ADGRB3: variants seen among roughly 807,000 people sequenced by gnomAD.
ADGRB3 encodes brain-specific angiogenesis inhibitor 3.
A neutral mutation model predicts 193.4 loss-of-function variants in ADGRB3; 37 were observed. The observed-to-expected ratio is 0.19, with a 90% CI of 0.15 to 0.25. ADGRB3 has a LOEUF of 0.25. ADGRB3 is among the 10% of genes least tolerant of loss of function. The pLI is 1.00. For synonymous variants in ADGRB3, 690 were observed against 644.2 expected, an observed-to-expected ratio of 1.07 and a Z score of -1.08; for missense variants, 1,637 against 1,852.9, an observed-to-expected ratio of 0.88 and a Z score of 2.14.
At chr6:69,000,420 A>G (rs986492728) in intron 11 of ADGRB3, among the ~76,000 whole-genome samples, 1 of 152,196 alleles carries the variant, frequency 6.6e-6, no homozygotes, top group African/African-American at 2.4e-5. Context: ...TATGTTGTTG[A>G]TGCACTAACA....
chr6:69,101,433 C>CGTGTGTGT (rs59471051), intron 17 of ADGRB3, among the ~76,000 whole-genome samples: 3,590 of 145,364 alleles, frequency 0.025, 127 homozygotes, highest in East Asian at 0.13. Context: ...CAGTAAGTAT[C>CGTGTGTGT]GTGTGTGTGT....
chr6:69,322,089 T>A (rs1768467329), intron 20 of ADGRB3, among the ~76,000 whole-genome samples: 1 of 151,946 alleles, frequency 6.6e-6, no homozygotes, highest in African/African-American at 2.4e-5. Flanking sequence ...CTCCCACTTA[T>A]AAGTGAAAAC....
At chr6:68,642,399 A>G (rs188418498) in intron 3 of ADGRB3, among the ~76,000 whole-genome samples, 4 of 152,248 alleles carry the variant, frequency 2.6e-5, no homozygotes, top group African/African-American at 9.6e-5. Context: ...CAGGAGTGGG[A>G]TGCCTACTTT....
intron 3 of ADGRB3, among the ~76,000 whole-genome samples, chr6:68,794,073 G>A (rs1370319794): frequency 6.6e-6 from 1 of 152,110 alleles, no homozygotes; most frequent in African/African-American, 2.4e-5. Flanking sequence ...TTTTGGACTT[G>A]TATGTGTGAA....
intron 3 of ADGRB3, among the ~76,000 whole-genome samples, chr6:68,676,847 C>T (rs1339589061): frequency 2.0e-5 from 3 of 151,960 alleles, no homozygotes; most frequent in Non-Finnish European, 2.9e-5. Context: ...TGCAGTTAAA[C>T]GAAAGTGACT....
intron 3 of ADGRB3, among the ~76,000 whole-genome samples, chr6:68,762,779 A>G (rs1228601595): frequency 6.6e-6 from 1 of 152,154 alleles, no homozygotes; most frequent in Non-Finnish European, 1.5e-5. Flanking sequence ...TAGTAATAAC[A>G]ATAGCACCTA....
chr6:69,060,220 T>TTCTCTCTCTC (rs556453350), intron 15 of ADGRB3, among the ~76,000 whole-genome samples: 16,373 of 129,282 alleles, frequency 0.13, 1,195 homozygotes, highest in Non-Finnish European at 0.14. Context: ...CTCTCTCTCT[T>TTCTCTCTCTC]TCTCTCTCTC....
chr6:68,741,373 A>AT lies in ADGRB3; in HGVS notation c.757+101949dup, dbSNP rs61454521. Among the ~76,000 whole-genome samples the AT allele has an allele frequency of 3.0e-4, 45 of 151,974 alleles. 1 individual carries two copies. The East Asian group carries it at 6.6e-3, about 22-fold the overall frequency. ...ATACAAGCAGTCTGGCTTTTTTTAA[A>AT]TTTTTTTTAATATTTTATTTTTGAG... On this transcript the variant is annotated intron_variant, in intron 3 of 31. Coordinates refer to ENST00000370598, the MANE Select transcript of ADGRB3 (RefSeq NM_001704.3).
In ADGRB3 at chr6:68,888,615, G is replaced by C. The variant is rs545708487; in HGVS notation, c.758-41944G>C. On this transcript the variant is annotated intron_variant, in intron 3 of 31. Transcript: ENST00000370598. ...GCCCTCCAGCTACCTTCTAATGAAA[G>C]AGATTGGTAACAAATATATAATTAT... Among the ~76,000 whole-genome samples, 33 of 151,584 alleles carry C rather than the reference G, an allele frequency of 2.2e-4. 1 individual carries two copies. The South Asian group carries it at 6.9e-3, about 32-fold the overall frequency.
At chr6:69,292,089 C>A (rs568896006) in intron 20 of ADGRB3, among the ~76,000 whole-genome samples, 2 of 152,284 alleles carry the variant, frequency 1.3e-5, no homozygotes, top group Admixed American at 1.3e-4. Flanking sequence ...TGTCATCAAA[C>A]CTCGCATAAA....
intron 17 of ADGRB3, among the ~76,000 whole-genome samples, chr6:69,148,874 G>A (rs987625259): frequency 6.6e-6 from 1 of 152,160 alleles, no homozygotes; most frequent in Non-Finnish European, 1.5e-5. Flanking sequence ...CTCTTGGAAT[G>A]TAAGGTTTCA....
intron 20 of ADGRB3, among the ~76,000 whole-genome samples, chr6:69,297,089 A>G (rs1767835548): frequency 6.6e-6 from 1 of 152,070 alleles, no homozygotes; most frequent in African/African-American, 2.4e-5. Flanking sequence ...CTGATGCACA[A>G]CTGCATCGAT....
Position 68,639,047 on chromosome 6 carries a change from T to G in ADGRB3, c.372T>G (p.Asp124Glu). The G allele has an allele frequency of 1.2e-6, 2 of 1,613,630 alleles. No individual in the cohort carries two copies. The highest frequency in any genetic ancestry group is 1.7e-6 in the Non-Finnish European group (2 of 1,179,884). Reference protein sequence around the residue: ...SKNAFVFLQYDKNFIQIRRVF... With the variant: ...SKNAFVFLQYEKNFIQIRRVF... Reference sequence around the variant, plus strand: ...ATGCTTTCGTTTTTCTACAGTATGATAAAAATTTTATTCAAATACGTCGAG... The same window carrying G: ...ATGCTTTCGTTTTTCTACAGTATGAGAAAAATTTTATTCAAATACGTCGAG... Residue 124 changes from aspartate (D) to glutamate (E), a missense_variant, in exon 3 of 32, where the codon GAT becomes GAG. Transcript: ENST00000370598.
In ADGRB3 at chr6:69,153,698, G is replaced by C. The variant is rs112625560; in HGVS notation, c.2480+77660G>C. ...TAAAAAAGTTTCATATTAATATTTG[G>C]TAAGAGCCTAATTACTTTAGAAACA... On this transcript the variant is annotated intron_variant, in intron 17 of 31. Coordinates refer to ENST00000370598, the MANE Select transcript of ADGRB3 (RefSeq NM_001704.3). Among the ~76,000 whole-genome samples, 413 of 152,224 alleles carry C rather than the reference G, an allele frequency of 2.7e-3. 1 individual carries two copies. The highest frequency in any genetic ancestry group is 9.8e-3 in the African/African-American group (407 of 41,536).
At chr6:69,374,561 A>T (rs543741016) in intron 30 of ADGRB3, among the ~76,000 whole-genome samples, 2 of 152,070 alleles carry the variant, frequency 1.3e-5, no homozygotes, top group African/African-American at 4.8e-5. Context: ...TATTCTGCCA[A>T]CTCATATATC....
chr6:69,003,305 C>T (rs1459396624), intron 11 of ADGRB3, among the ~76,000 whole-genome samples: 1 of 152,136 alleles, frequency 6.6e-6, no homozygotes. Context: ...CTCATGGAAC[C>T]ACCTAAGGGA....
At chr6:69,343,127 G>C (rs1218449054) in intron 26 of ADGRB3, among the ~76,000 whole-genome samples, 3 of 143,506 alleles carry the variant, frequency 2.1e-5, no homozygotes, top group Non-Finnish European at 4.5e-5. Flanking sequence ...TGTGTATGGA[G>C]CCTAATTTAT....
chr6:69,290,206 A>G (rs1767638158), intron 20 of ADGRB3, among the ~76,000 whole-genome samples: 1 of 152,134 alleles, frequency 6.6e-6, no homozygotes, highest in African/African-American at 2.4e-5. Flanking sequence ...AGAAAATCAG[A>G]CAGTAACCGG....
chr6:68,843,762 A>G (rs1021592492), intron 3 of ADGRB3, among the ~76,000 whole-genome samples: 1 of 152,142 alleles, frequency 6.6e-6, no homozygotes, highest in Non-Finnish European at 1.5e-5. Flanking sequence ...ACATTACCTG[A>G]CTTCAAATTA....
Sources: allele counts gnomAD v4.1 joint callset (sites outside exome capture counted in the v4.1 genomes callset), GRCh38; gene constraint gnomAD v4.1.1; transcripts MANE v1.5; gene names NCBI Gene and HGNC (gene_info 2026-07-23, HGNC 2026-07-21).